Variants in PCDHA8 observed in about 807,000 individuals in gnomAD.
PCDHA8 encodes the protein protocadherin alpha-8.
In PCDHA8, 53 loss-of-function variants were observed where a neutral mutation model predicts 61.8. The observed-to-expected ratio is 0.86, with a 90% confidence interval of 0.69 to 1.08. PCDHA8 has a LOEUF of 1.08. Ranked by LOEUF, PCDHA8 falls within the 50% of genes least tolerant of loss-of-function variation. The probability of loss-of-function intolerance (pLI) is 0.00; values close to 1 mark genes in which losing one functional copy is unlikely to be tolerated. For synonymous variants in PCDHA8, 618 were observed against 556.6 expected (o/e 1.11, Z -1.55); for missense variants, 1,293 against 1,245.0 (o/e 1.04, Z -0.58).
intron 1 of PCDHA8, chr5:140,867,287 A>T (rs1264218929): frequency 1.3e-5 from 2 of 152,110 alleles, no homozygotes; most frequent in African/African-American, 2.4e-5. Context: ...ATGTGCTTCA[A>T]ATATCATGTT....
intron 1 of PCDHA8, among the ~76,000 whole-genome samples, chr5:140,922,616 A>G (rs2080916487): frequency 6.6e-6 from 1 of 152,242 alleles, no homozygotes; most frequent in African/African-American, 2.4e-5. Context: ...TATTAAAACT[A>G]TGGTACACAT....
Position 140,841,767 on chromosome 5 carries a change from A to T in PCDHA8, c.446A>T (p.Asp149Val). The change falls in exon 1 of 4, where the codon GAC becomes GTC. Residue 149 changes from aspartate (D) to valine (V), a missense_variant. Coordinates refer to ENST00000531613, the MANE Select transcript of PCDHA8 (RefSeq NM_018911.3). ...TTTGTTTCAGAATCCAGAATGCCAG[A>T]CTCTCGGTTTCCGCTAGAGGGCGCG... is the stretch of plus-strand genomic sequence containing the variant. ...KLFVSESRMP[D>V]SRFPLEGASD... 6.2e-7 allele frequency: 1 copy of T among 1,613,616 alleles called. No individual in the cohort carries two copies. Among genetic ancestry groups the T allele is most frequent in the Non-Finnish European group, 8.5e-7 (1 of 1,179,806 alleles).
intron 1 of PCDHA8, chr5:140,857,521 CTCTCT>C: frequency 6.3e-7 from 1 of 1,598,106 alleles, no homozygotes; most frequent in Non-Finnish European, 8.6e-7. Flanking sequence ...TGGTGTCCTA[CTCTCT>C]GGTGGAGCGG....
chr5:140,920,821 C>T (rs1389717155), intron 1 of PCDHA8, among the ~76,000 whole-genome samples: 11 of 146,336 alleles, frequency 7.5e-5, no homozygotes, highest in South Asian at 2.1e-4. Flanking sequence ...TCCAGCCTGG[C>T]GACGGAGCAA....
At chr5:140,958,367 T>C (rs1029042656) in intron 1 of PCDHA8, among the ~76,000 whole-genome samples, 2 of 152,166 alleles carry the variant, frequency 1.3e-5, no homozygotes, top group Admixed American at 6.5e-5. Context: ...TTATCAGGAA[T>C]GTTGCTATTT....
At chr5:140,883,635 C>T (rs997170789) in intron 1 of PCDHA8, 1 of 1,613,182 alleles carries the variant, frequency 6.2e-7, no homozygotes, top group Non-Finnish European at 8.5e-7. Flanking sequence ...CCGGCGTTCG[C>T]GCAGCCCGAG....
rs147430561 is a variant in PCDHA8, at chr5:140,928,238, A to G, written c.2395-50711A>G. 4.7e-4 allele frequency: 756 copies of G among 1,614,188 alleles called. 4 individuals carry two copies. The African/African-American group carries it at 9.0e-3, about 19-fold the overall frequency. Reference sequence around the variant, plus strand: ...AATACACCAAACTTTCCTCAACCCCAGCAGGAACTTTTCGTTGCTGAAAAC... The same window carrying G: ...AATACACCAAACTTTCCTCAACCCCGGCAGGAACTTTTCGTTGCTGAAAAC... On this transcript the variant is annotated intron_variant, in intron 1 of 3. Coordinates refer to ENST00000531613, the MANE Select transcript of PCDHA8 (RefSeq NM_018911.3).
At chr5:140,936,773 C>T (rs916525557) in intron 1 of PCDHA8, among the ~76,000 whole-genome samples, 3 of 152,280 alleles carry the variant, frequency 2.0e-5, no homozygotes, top group African/African-American at 7.2e-5. Context: ...TGTAAGTTCT[C>T]TCACTTTGTT....
intron 1 of PCDHA8, among the ~76,000 whole-genome samples, chr5:140,972,955 C>T (rs1450892735): frequency 6.6e-6 from 1 of 152,080 alleles, no homozygotes; most frequent in African/African-American, 2.4e-5. Context: ...AGCCACCATG[C>T]CCGGCAAAGG....
chr5:140,991,227 A>G (rs1172819040), intron 3 of PCDHA8, among the ~76,000 whole-genome samples: 2 of 152,224 alleles, frequency 1.3e-5, no homozygotes, highest in African/African-American at 4.8e-5. Flanking sequence ...TCATTAATAA[A>G]TGCAGTGGTA....
chr5:140,950,278 G>A (rs2094467824), intron 1 of PCDHA8, among the ~76,000 whole-genome samples: 1 of 151,868 alleles, frequency 6.6e-6, no homozygotes, highest in African/African-American at 2.4e-5. Context: ...ATGTCTTTTT[G>A]CTTCAACCTG....
Position 140,869,160 on chromosome 5 carries a change from C to T in PCDHA8, c.2394+25445C>T, listed in dbSNP as rs201759355. 10 of 1,613,886 alleles carry T rather than the reference C, an allele frequency of 6.2e-6. No homozygotes were observed. In the East Asian group the frequency reaches 2.0e-4, roughly 32 times the overall value. On this transcript the variant is annotated intron_variant, in intron 1 of 3. Transcript: ENST00000531613. ...CCCCACGACTACAGCTCTGGCTTCT[C>T]CTCCTCGAATTCTGGGAGGTGGGGA...
intron 1 of PCDHA8, among the ~76,000 whole-genome samples, chr5:140,974,769 T>C (rs1487371754): frequency 6.6e-6 from 1 of 152,238 alleles, no homozygotes; most frequent in Non-Finnish European, 1.5e-5. Context: ...ATTACAGGTA[T>C]GAGCCACTGC....
At chr5:140,849,967 C>T (rs2150460775) in intron 1 of PCDHA8, 1 of 1,597,834 alleles carries the variant, frequency 6.3e-7, no homozygotes, top group East Asian at 2.2e-5. Flanking sequence ...GCCCTGGTGT[C>T]CTACTCGCTG....
chr5:140,933,413 T>A (rs2089136962), intron 1 of PCDHA8, among the ~76,000 whole-genome samples: 3 of 152,056 alleles, frequency 2.0e-5, no homozygotes, highest in Non-Finnish European at 4.4e-5. Flanking sequence ...TCTACAGATA[T>A]TCTGTGTTCA....
At chr5:140,902,324 C>A (rs1554190388) in intron 1 of PCDHA8, among the ~76,000 whole-genome samples, 1 of 151,472 alleles carries the variant, frequency 6.6e-6, no homozygotes, top group Non-Finnish European at 1.5e-5. Context: ...AGGTGTAACT[C>A]ACTTCGCCTG....
chr5:140,899,056 G>A (rs1370417194), intron 1 of PCDHA8, among the ~76,000 whole-genome samples: 1 of 152,062 alleles, frequency 6.6e-6, no homozygotes, highest in Non-Finnish European at 1.5e-5. Context: ...CTGAGACTTT[G>A]CTGAAGTTGC....
chr5:140,845,806 G>A lies in PCDHA8; in HGVS notation c.2394+2091G>A, dbSNP rs181852122. ...AATAATAAACTCTGGCAAGTGATAGGTACATAATAAAATTTAGTTATTACC... is the reference window on the plus strand; with the variant it reads ...AATAATAAACTCTGGCAAGTGATAGATACATAATAAAATTTAGTTATTACC... On this transcript the variant is annotated intron_variant, in intron 1 of 3. Transcript: ENST00000531613. 4.5e-3 allele frequency among the ~76,000 whole-genome samples: 673 copies of A among 149,580 alleles called. 58 individuals carry two copies. The highest frequency in any genetic ancestry group is 6.8e-3 in the Middle Eastern group (2 of 292).
At chr5:140,959,614 G>T (rs1175211325) in intron 1 of PCDHA8, among the ~76,000 whole-genome samples, 1 of 152,024 alleles carries the variant, frequency 6.6e-6, no homozygotes, top group African/African-American at 2.4e-5. Context: ...TTTCTTGCTT[G>T]TGATAGAAAA....
Sources: gnomAD v4.1 joint callset for allele counts (sites outside exome capture counted in the v4.1 genomes callset) on GRCh38, gnomAD v4.1.1 for gene constraint, MANE v1.5 for transcripts, NCBI Gene and HGNC (gene_info 2026-07-23, HGNC 2026-07-21) for gene names.